Variants in CHRNG observed in about 807,000 individuals in gnomAD.
CHRNG encodes the protein acetylcholine receptor subunit gamma.
In CHRNG, 72 loss-of-function variants were observed where a neutral mutation model predicts 65.2. The ratio of observed to expected loss-of-function variants is 1.10; its 90% confidence interval spans 0.91 to 1.34. The LOEUF is 1.34. CHRNG is among the 40% of genes most tolerant of loss of function. The pLI is 0.00. For missense variants in CHRNG, 637 were observed against 680.1 expected (o/e 0.94, Z 0.70); for synonymous variants, 284 against 290.2 (o/e 0.98, Z 0.22).
rs113146894 is a variant in CHRNG, at chr2:232,539,887, G to A, written c.55+85G>A. 4.3e-6 allele frequency: 7 copies of A among 1,609,484 alleles called. No homozygotes were observed. In the East Asian group the frequency reaches 1.3e-4, roughly 31 times the overall value. ...GGATGGAGGGTCTGAGGGGTATTGG[G>A]GCCTGCCCTGGACCCAGTTCCCTGA... On this transcript the variant is annotated intron_variant, in intron 1 of 11. Transcript: ENST00000651502.
At position 232,543,667 on chromosome 2, in the gene CHRNG, C is replaced by A. The variant is rs1194721013; in HGVS notation, c.1003C>A (p.His335Asn). ...GCTCAATGTCTCCTTGCGGTCTCCA[C>A]ACACACACTCCATGGCCCGAGGGGT... Reference protein sequence around the residue: ...VVLNVSLRSPHTHSMARGVRK... With the variant: ...VVLNVSLRSPNTHSMARGVRK... The change falls in exon 9 of 12, where the codon CAC becomes AAC. Residue 335 changes from histidine to asparagine, a missense_variant. His to Asn is a moderately conservative substitution (Grantham distance 68). Coordinates refer to ENST00000651502, the MANE Select transcript of CHRNG (RefSeq NM_005199.5). 8 of 1,613,208 alleles carry A rather than the reference C, an allele frequency of 5.0e-6. No individual in the cohort carries two copies. The Admixed American group carries it at 1.2e-4, about 24-fold the overall frequency.
rs1317802618 is a variant in CHRNG at position 232,547,477 on chromosome 2, T to A, written c.*1761T>A. Reference sequence around the variant, plus strand: ...AAAGTGAAAGTGCCACATAAAGGCCTGACGACAGGATATGCTGGCAGGAGG... The same window carrying A: ...AAAGTGAAAGTGCCACATAAAGGCCAGACGACAGGATATGCTGGCAGGAGG... On this transcript the variant is annotated 3_prime_UTR_variant, in exon 12 of 12. Transcript: ENST00000651502. Among the ~76,000 whole-genome samples the A allele has an allele frequency of 6.6e-6, 1 of 152,196 alleles. No homozygotes were observed. Among genetic ancestry groups the A allele is most frequent in the Non-Finnish European group, 1.5e-5 (1 of 68,034 alleles).
rs1257615475 is a variant in CHRNG at position 232,547,012 on chromosome 2, C to G, written c.*1296C>G. On this transcript the variant is annotated 3_prime_UTR_variant, in exon 12 of 12. Transcript: ENST00000651502. ...GAGGCAAGGTCCTGCTCTGAGATTA[C>G]AGCCGGCACACGAGTTTGGCTGGTA... is the stretch of plus-strand genomic sequence containing the variant. Among the ~76,000 whole-genome samples, 1 of 152,172 alleles carries G rather than the reference C, an allele frequency of 6.6e-6. No individual in the cohort carries two copies. Among genetic ancestry groups the G allele is most frequent in the Non-Finnish European group, 1.5e-5 (1 of 68,032 alleles).
At position 232,544,823 on chromosome 2, in the gene CHRNG, C is replaced by T. The variant is rs764938199; in HGVS notation, c.1301C>T (p.Ala434Val). 2.5e-6 allele frequency: 4 copies of T among 1,613,680 alleles called. No individual in the cohort carries two copies. In the Admixed American group the frequency reaches 6.7e-5, roughly 27 times the overall value. The part of the protein sequence containing the change: ...LSQFCGSLKQ[A>V]APAIQACVEA... ...CAGTTCTGTGGCAGCCTGAAGCAGG[C>T]TGCCCCAGCCATCCAGGCCTGTGTG... The change falls in exon 11 of 12, where the codon GCT (alanine) becomes GTT (valine). Residue 434 changes from alanine to valine, a missense_variant. Physicochemically the swap from Ala to Val is moderately conservative, Grantham distance 64. Coordinates refer to ENST00000651502, the MANE Select transcript of CHRNG (RefSeq NM_005199.5).
At position 232,544,475 on chromosome 2, in the gene CHRNG, T is replaced by C; in HGVS notation, c.1144T>C (p.Ser382Pro). ...SRLQNGSSGW[S>P]ITTGEEVALC... ...GCTACAGAATGGCTCCTCGGGATGG[T>C]CGATCACAACTGGGGAGGAGGTGGC... Residue 382 changes from serine (S) to proline (P), a missense_variant, in exon 10 of 12, where the codon TCG becomes CCG. Physicochemically the swap from Ser to Pro is moderately conservative, Grantham distance 74. Transcript: ENST00000651502. 1 of 1,613,676 alleles carries C rather than the reference T, an allele frequency of 6.2e-7. No individual in the cohort carries two copies. The highest frequency in any genetic ancestry group is 8.5e-7 in the Non-Finnish European group (1 of 1,180,004).
At chr2:232,543,480 ACC>A (rs34697564) in intron 8 of CHRNG, 91 bp downstream of exon 8, 1 of 1,110,082 alleles carries the variant, frequency 9.0e-7, no homozygotes, top group Non-Finnish European at 1.3e-6. Context: ...CCCTCCATCC[ACC>A]CCCCCCATCC....
rs1692003955 is a variant in CHRNG at position 232,541,013 on chromosome 2, G to A, written c.350+302G>A. 6.6e-6 allele frequency among the ~76,000 whole-genome samples: 1 copy of A among 152,090 alleles called. No homozygotes were observed. Among genetic ancestry groups the A allele is most frequent in the Non-Finnish European group, 1.5e-5 (1 of 68,020 alleles). On this transcript the variant is annotated intron_variant, in intron 4 of 11. Transcript: ENST00000651502. The surrounding 1 kb of genome is among the most constrained non-coding windows in gnomAD (Gnocchi z 4.0). ...TGACGGGTCCTATAGAAGCTGGCGA[G>A]AGTCAACAAGACAGGCATGAAAAGT...
At position 232,546,568 on chromosome 2, in the gene CHRNG, A is replaced by C. The variant is rs1021623579; in HGVS notation, c.*852A>C. Among the ~76,000 whole-genome samples the C allele has an allele frequency of 7.9e-5, 12 of 151,892 alleles. No homozygotes were observed. Among genetic ancestry groups the C allele is most frequent in the Non-Finnish European group, 1.6e-4 (11 of 67,962 alleles). On this transcript the variant is annotated 3_prime_UTR_variant, in exon 12 of 12. Transcript: ENST00000651502. ...TGCTATGTTGCCTAGGTTGGTCTTGAACTCCTGAGCTCAAGTGATCCTCCC... is the reference window on the plus strand; with the variant it reads ...TGCTATGTTGCCTAGGTTGGTCTTGCACTCCTGAGCTCAAGTGATCCTCCC...
rs566264081 is a variant in CHRNG at position 232,541,809 on chromosome 2, A to T, written c.506+280A>T. ...TCACGCCTGGGGTGCGTGGGTGAGA[A>T]GGCACACATGCACACAAGATGCGTG... On this transcript the variant is annotated intron_variant, in intron 5 of 11. Coordinates refer to ENST00000651502, the MANE Select transcript of CHRNG (RefSeq NM_005199.5). The surrounding 1 kb of genome is among the most constrained non-coding windows in gnomAD (Gnocchi z 4.0). 2.1e-4 allele frequency: 113 copies of T among 540,730 alleles called. No homozygotes were observed. The highest frequency in any genetic ancestry group is 3.4e-4 in the Non-Finnish European group (103 of 298,862). 33.5% of individuals were successfully genotyped at this position (540,730 alleles called of 1,614,324 possible).
Position 232,545,862 on chromosome 2 carries a change from C to A in CHRNG, c.*146C>A. On this transcript the variant is annotated 3_prime_UTR_variant, in exon 12 of 12. Coordinates refer to ENST00000651502, the MANE Select transcript of CHRNG (RefSeq NM_005199.5). ...GTGAGCCAAACAGCCCTGAGAAAAG[C>A]TGGGGAAACAGTCTGAGCTGGAGTC... 1 of 938,944 alleles carries A rather than the reference C, an allele frequency of 1.1e-6. No homozygotes were observed. Among genetic ancestry groups the A allele is most frequent in the Non-Finnish European group, 1.7e-6 (1 of 597,798 alleles). 58.2% of individuals were successfully genotyped at this position (938,944 alleles called of 1,614,324 possible).
At chr2:232,542,381 T>C in intron 5 of CHRNG, 42 bp from the exon 6 acceptor site, 1 of 1,359,746 alleles carries the variant, frequency 7.4e-7, no homozygotes, top group Non-Finnish European at 1.0e-6. Flanking sequence ...TCGTGGCAGG[T>C]CCACCCGCTC....
At position 232,540,431 on chromosome 2, in the gene CHRNG, A is replaced by T. The variant is rs201168602; in HGVS notation, c.240+6A>T. ...CCAATGTCTGGATAGAGATGGTAAG[A>T]GGCCACCCTGCCACCCTCCTTCCAT... On this transcript the variant is annotated splice_donor_region_variant and intron_variant, in intron 3 of 11. Coordinates refer to ENST00000651502, the MANE Select transcript of CHRNG (RefSeq NM_005199.5). This position sits in a 1 kb window ranked among gnomAD's most constrained non-coding sequence, Gnocchi z 4.2. 5.9e-5 allele frequency: 96 copies of T among 1,613,718 alleles called. No homozygotes were observed. Among genetic ancestry groups the T allele is most frequent in the Non-Finnish European group, 8.1e-5 (95 of 1,179,978 alleles).
rs1216449270 is a variant in CHRNG, at chr2:232,540,532, C to T, written c.241-70C>T. 7 of 1,599,596 alleles carry T rather than the reference C, an allele frequency of 4.4e-6. No homozygotes were observed. In the Admixed American group the frequency reaches 1.2e-4, roughly 27 times the overall value. ...TTCCTGCCTCTTCTGTCCTCTTGGGCTGGATGCCCACTCCTAGGGCTGTGG... is the reference window on the plus strand; with the variant it reads ...TTCCTGCCTCTTCTGTCCTCTTGGGTTGGATGCCCACTCCTAGGGCTGTGG... On this transcript the variant is annotated intron_variant, in intron 3 of 11. Transcript: ENST00000651502. This position sits in a 1 kb window ranked among gnomAD's most constrained non-coding sequence, Gnocchi z 4.2.
intron 9 of CHRNG, 121 bp from the exon 10 acceptor site, chr2:232,544,246 C>T (rs747407209): frequency 6.2e-6 from 5 of 810,826 alleles, no homozygotes; most frequent in African/African-American, 1.7e-5. Context: ...TTTACCAAGG[C>T]CACGTCACTG....
intron 11 of CHRNG, among the ~76,000 whole-genome samples, chr2:232,545,270 C>G (rs1436986224): frequency 6.6e-6 from 1 of 151,478 alleles, no homozygotes; most frequent in Middle Eastern, 3.2e-3. Flanking sequence ...CAAGATCGCA[C>G]CACTGCACTC....
At chr2:232,542,730 C>A in intron 6 of CHRNG, 152 bp from the exon 7 acceptor site, 1 of 740,622 alleles carries the variant, frequency 1.4e-6, no homozygotes, top group Non-Finnish European at 2.3e-6. Context: ...CTCGAGCATC[C>A]AATCTCCCAC....
rs1360677246 is a variant in CHRNG at position 232,547,991 on chromosome 2, T to C, written c.*2275T>C. 6.6e-6 allele frequency: 3 copies of C among 453,350 alleles called. No homozygotes were observed. Among genetic ancestry groups the C allele is most frequent in the African/African-American group, 6.1e-5 (3 of 49,178 alleles). 28.1% of individuals were successfully genotyped at this position (453,350 alleles called of 1,614,324 possible). A position where few individuals can be genotyped will look rare whatever the true frequency, so the allele number is the denominator to read the frequency against. The stretch of plus-strand genomic sequence containing the variant: ...TGAATGTTTTTGGTTTCCCAATGCA[T>C]ATAAAAGTTATGTTTACACTATACT... On this transcript the variant is annotated 3_prime_UTR_variant, in exon 12 of 12. Transcript: ENST00000651502.
rs547280762 is a variant in CHRNG, at chr2:232,542,345, G to T, written c.507-78G>T. On this transcript the variant is annotated intron_variant, in intron 5 of 11. Coordinates refer to ENST00000651502, the MANE Select transcript of CHRNG (RefSeq NM_005199.5). The stretch of plus-strand genomic sequence containing the variant: ...TGTTGAAGAAAAGCTGCCCACACTT[G>T]TCCCCAGAAGGTCATCCCCATGCAG... The T allele has an allele frequency of 4.7e-5, 43 of 923,322 alleles. No individual in the cohort carries two copies. In the African/African-American group the frequency reaches 6.6e-4, roughly 14 times the overall value. The allele number at this position is 923,322 out of a possible 1,614,324, so 57.2% of individuals were successfully genotyped here. A position where few individuals can be genotyped will look rare whatever the true frequency, so the allele number is the denominator to read the frequency against.
chr2:232,539,768 GCTGCTCCTC>G lies in CHRNG; in HGVS notation c.27_35del (p.Leu12_Leu14del), dbSNP rs1559302261. 1.9e-6 allele frequency: 3 copies of G among 1,613,902 alleles called. No individual in the cohort carries two copies. Among genetic ancestry groups the G allele is most frequent in the Non-Finnish European group, 2.5e-6 (3 of 1,179,994 alleles). On this transcript the variant is annotated inframe_deletion, in exon 1 of 12. Transcript: ENST00000651502. ...GCACCATGCATGGGGGCCAGGGGCCGCTGCTCCTCCTGCTGCTGCTGGCTGTCTGCCTGG... is the reference window on the plus strand; with the variant it reads ...GCACCATGCATGGGGGCCAGGGGCCGCTGCTGCTGCTGGCTGTCTGCCTGG...
Sources: allele counts gnomAD v4.1 joint callset (sites outside exome capture counted in the v4.1 genomes callset), GRCh38; gene constraint gnomAD v4.1.1; non-coding constraint Gnocchi (gnomAD v3.1); transcripts MANE v1.5; gene names NCBI Gene and HGNC (gene_info 2026-07-23, HGNC 2026-07-21).